Variants in WNK1 observed in about 807,000 individuals in gnomAD.
WNK1 encodes the protein serine/threonine-protein kinase WNK1.
Under a neutral mutation model 222.8 loss-of-function variants are expected in WNK1, and 38 were observed. The ratio of observed to expected loss-of-function variants is 0.17; its 90% CI spans 0.13 to 0.22. WNK1 has a LOEUF of 0.22. Among genes scored for constraint, WNK1 ranks in the 10% least tolerant of loss-of-function variants. The pLI is 1.00. For missense variants in WNK1, 2,348 were observed against 2,918.4 expected (o/e 0.80, Z 4.50); for synonymous variants, 1,090 against 1,092.9 (o/e 1.00, Z 0.05).
At chr12:900,947 G>T in intron 26 of WNK1, 1 of 484,338 alleles carries the variant, frequency 2.1e-6, no homozygotes, top group Non-Finnish European at 3.8e-6. Context: ...TTGGAACTTA[G>T]GCTTTAATAT....
intron 2 of WNK1, among the ~76,000 whole-genome samples, chr12:819,972 T>C (rs1446381396): frequency 2.0e-5 from 3 of 152,248 alleles, no homozygotes; most frequent in Non-Finnish European, 2.9e-5. Flanking sequence ...TAGTAATTTT[T>C]GTAAATTTTG....
At position 753,473 on chromosome 12, in the gene WNK1, G is replaced by A; in HGVS notation, c.-93G>A. ...GTCGGCGCGAACCCGCCCGGCCGCGGTTCCCTGCAGACCTCTGCGCGGGCG... is the reference window on the plus strand; with the variant it reads ...GTCGGCGCGAACCCGCCCGGCCGCGATTCCCTGCAGACCTCTGCGCGGGCG... On this transcript the variant is annotated 5_prime_UTR_variant, in exon 1 of 28. Transcript: ENST00000315939. This position sits in a 1 kb window ranked among gnomAD's most constrained non-coding sequence, Gnocchi z 5.2. 6.4e-7 allele frequency: 1 copy of A among 1,557,916 alleles called. No homozygotes were observed. The highest frequency in any genetic ancestry group is 1.8e-5 in the Admixed American group (1 of 56,238).
intron 4 of WNK1, among the ~76,000 whole-genome samples, chr12:831,399 G>A (rs1010002828): frequency 3.9e-5 from 6 of 151,948 alleles, no homozygotes; most frequent in Non-Finnish European, 5.9e-5. Context: ...TTAGCCAGGC[G>A]TGGTGGTGCA....
chr12:789,927 G>T (rs182366929), intron 1 of WNK1, among the ~76,000 whole-genome samples: 134 of 152,322 alleles, frequency 8.8e-4, no homozygotes, highest in African/African-American at 2.2e-3. Context: ...TATCTTACTG[G>T]TCAGAGTTGT....
chr12:879,439 G>T, intron 10 of WNK1, 134 bp from the exon 11 acceptor site: 2 of 696,778 alleles, frequency 2.9e-6, no homozygotes, highest in African/African-American at 2.1e-5. Flanking sequence ...GGTTTTGTTG[G>T]TTTGGTGTTT....
chr12:833,570 T>G (rs1452258170), intron 4 of WNK1, among the ~76,000 whole-genome samples: 1 of 141,836 alleles, frequency 7.1e-6, no homozygotes, highest in Non-Finnish European at 1.6e-5. Flanking sequence ...ACGGTCTTCC[T>G]CCATGACATT....
chr12:841,421 T>C (rs529164312), intron 4 of WNK1, among the ~76,000 whole-genome samples: 9 of 152,352 alleles, frequency 5.9e-5, no homozygotes, highest in African/African-American at 1.9e-4. Flanking sequence ...GGTACATCCA[T>C]GTGGTAGCAT....
intron 20 of WNK1, 121 bp downstream of exon 20, chr12:887,425 T>C: frequency 4.4e-6 from 4 of 902,656 alleles, no homozygotes; most frequent in Non-Finnish European, 7.3e-6. Flanking sequence ...AACACCTTTC[T>C]TTTAAAATGT....
At chr12:825,532 A>G (rs910561017) in intron 2 of WNK1, among the ~76,000 whole-genome samples, 2 of 152,204 alleles carry the variant, frequency 1.3e-5, no homozygotes, top group African/African-American at 4.8e-5. Context: ...ATACAAGTAC[A>G]AGATTACATA....
At position 757,808 on chromosome 12, in the gene WNK1, C is replaced by T. The variant is rs913181524; in HGVS notation, c.759+3484C>T. The stretch of plus-strand genomic sequence containing the variant: ...ATCCCAGCACTTTGGGAGGCCGAGG[C>T]GGGTGGATCACGCGGTCAGGAGTTC... On this transcript the variant is annotated intron_variant, in intron 1 of 27. Coordinates refer to ENST00000315939, the MANE Select transcript of WNK1 (RefSeq NM_018979.4). 5.5e-5 allele frequency among the ~76,000 whole-genome samples: 8 copies of T among 146,786 alleles called. 1 individual carries two copies. Among genetic ancestry groups the T allele is most frequent in the South Asian group, 4.4e-4 (2 of 4,502 alleles).
At chr12:755,060 A>T (rs1310009085) in intron 1 of WNK1, among the ~76,000 whole-genome samples, 2 of 152,212 alleles carry the variant, frequency 1.3e-5, no homozygotes, top group Non-Finnish European at 2.9e-5. Flanking sequence ...CTTTCCCAAG[A>T]GTCCGAAGGA....
intron 1 of WNK1, among the ~76,000 whole-genome samples, chr12:807,943 T>G (rs975940294): frequency 1.6e-4 from 24 of 151,930 alleles, no homozygotes; most frequent in African/African-American, 5.8e-4. Context: ...ATGGTCTCGA[T>G]CTCCTGACCT....
Position 753,848 on chromosome 12 carries a change from C to G in WNK1, c.283C>G (p.Leu95Val). 1 of 1,612,632 alleles carries G rather than the reference C, an allele frequency of 6.2e-7. No homozygotes were observed. Among genetic ancestry groups the G allele is most frequent in the East Asian group, 2.2e-5 (1 of 44,874 alleles). ...TGACTCCAATGCCACTGCACTGGAG[C>G]TTCCCGGCCTTCCTCTTTCCCTGCC... ...ICDSNATALELPGLPLSLPQP... is the reference protein window; with the variant it reads ...ICDSNATALEVPGLPLSLPQP... Residue 95 changes from leucine (L) to valine (V), a missense_variant, in exon 1 of 28, where the codon CTT becomes GTT. By Grantham distance (32) the Leu-to-Val change is conservative (BLOSUM62 1). Transcript: ENST00000315939. The surrounding 1 kb of genome is among the most constrained non-coding windows in gnomAD (Gnocchi z 5.2).
In WNK1 at chr12:897,602, A is replaced by C. The variant is rs1242660897; in HGVS notation, c.6369A>C (p.Arg2123Ser). ...IIPPAAPLSG[R>S]RRRPTKSKGS... Reference sequence around the variant, plus strand: ...CCCCAGCTGCTCCCCTTTCAGGGAGAAGACGACGACCCACTAAAAGCAAAG... The same window carrying C: ...CCCCAGCTGCTCCCCTTTCAGGGAGCAGACGACGACCCACTAAAAGCAAAG... The change falls in exon 25 of 28, where the codon AGA becomes AGC. Residue 2123 changes from arginine to serine, a missense_variant. By Grantham distance (110) the Arg-to-Ser change is moderately radical. This residue lies in a region of WNK1 where 1,144 missense variants were observed against 1,273.6 expected (regional missense o/e 0.90). Coordinates refer to ENST00000315939, the MANE Select transcript of WNK1 (RefSeq NM_018979.4). 14 of 1,614,164 alleles carry C rather than the reference A, an allele frequency of 8.7e-6. No homozygotes were observed. Among genetic ancestry groups the C allele is most frequent in the Non-Finnish European group, 1.2e-5 (14 of 1,180,022 alleles).
At chr12:774,866 C>G (rs1942927606) in intron 1 of WNK1, among the ~76,000 whole-genome samples, 1 of 152,082 alleles carries the variant, frequency 6.6e-6, no homozygotes, top group Admixed American at 6.6e-5. Context: ...AGGTGCTTTT[C>G]TCCCCTAACC....
At chr12:830,827 C>G (rs959899553) in intron 4 of WNK1, among the ~76,000 whole-genome samples, 1 of 152,204 alleles carries the variant, frequency 6.6e-6, no homozygotes, top group Non-Finnish European at 1.5e-5. Flanking sequence ...TCATCCAATA[C>G]CCTGAACCTG....
Position 884,617 on chromosome 12 carries a change from G to C in WNK1, c.3845-32G>C. 1 of 1,598,544 alleles carries C rather than the reference G, an allele frequency of 6.3e-7. No homozygotes were observed. Among genetic ancestry groups the C allele is most frequent in the Non-Finnish European group, 8.6e-7 (1 of 1,166,204 alleles). ...TTTTGAATCCATCCTTTTAAAATCA[G>C]CTGATTCTTATCTTTTTGTATTCCT... is the stretch of plus-strand genomic sequence containing the variant. On this transcript the variant is annotated intron_variant, in intron 18 of 27. Coordinates refer to ENST00000315939, the MANE Select transcript of WNK1 (RefSeq NM_018979.4). This position sits in a 1 kb window ranked among gnomAD's most constrained non-coding sequence, Gnocchi z 5.6.
chr12:772,421 G>GTA (rs752239162), intron 1 of WNK1, among the ~76,000 whole-genome samples: 1,641 of 71,666 alleles, frequency 0.023, 16 homozygotes, highest in Non-Finnish European at 0.038. Context: ...GTGTGTGTGT[G>GTA]TGTATGTATG....
chr12:856,827 A>G (rs561655809), intron 4 of WNK1, among the ~76,000 whole-genome samples: 1 of 152,392 alleles, frequency 6.6e-6, no homozygotes, highest in East Asian at 1.9e-4. Context: ...AAGGTTGAAC[A>G]AAAGATCTTC....
Sources: gnomAD v4.1 joint callset for allele counts (sites outside exome capture counted in the v4.1 genomes callset) on GRCh38, gnomAD v4.1.1 for gene constraint, gnomAD v4.1.1 regional missense constraint, Gnocchi (gnomAD v3.1) non-coding constraint, MANE v1.5 for transcripts, NCBI Gene and HGNC (gene_info 2026-07-23, HGNC 2026-07-21) for gene names.